Variants in NBEA observed in about 807,000 individuals in gnomAD.
NBEA encodes the protein neurobeachin, also known as lysosomal-trafficking regulator 2.
NBEA carries 44 observed loss-of-function variants against 343.4 expected under a neutral mutation model. The observed-to-expected ratio is 0.13, with a 90% CI of 0.10 to 0.16. The LOEUF is 0.16. Ranked by LOEUF, NBEA falls within the 10% of genes least tolerant of loss-of-function variation. The pLI is 1.00. For missense variants in NBEA, 2,555 were observed against 3,631.3 expected (o/e 0.70, Z 7.62); for synonymous variants, 1,175 against 1,238.7 (o/e 0.95, Z 1.08).
At chr13:35,423,015 T>A (rs1248426634) in intron 38 of NBEA, among the ~76,000 whole-genome samples, 3 of 152,180 alleles carry the variant, frequency 2.0e-5, no homozygotes, top group Non-Finnish European at 4.4e-5. Context: ...TTCTTGTAAA[T>A]TTGTTTAAGT....
chr13:35,009,052 C>A (rs991016528), intron 1 of NBEA, among the ~76,000 whole-genome samples: 14 of 152,166 alleles, frequency 9.2e-5, no homozygotes, highest in African/African-American at 3.4e-4. Context: ...CTTGGTAGCT[C>A]TCTGATGTCT....
At chr13:35,295,526 A>C (rs1255577905) in intron 35 of NBEA, among the ~76,000 whole-genome samples, 1 of 152,188 alleles carries the variant, frequency 6.6e-6, no homozygotes, top group African/African-American at 2.4e-5. Context: ...AAAGTTTGTA[A>C]TATGTCCTAA....
intron 1 of NBEA, among the ~76,000 whole-genome samples, chr13:34,949,622 T>C (rs774106849): frequency 2.0e-5 from 3 of 152,218 alleles, no homozygotes; most frequent in Non-Finnish European, 2.9e-5. Context: ...ACCAATGATA[T>C]ATGGTTTATG....
rs1188006894 is a variant in NBEA, at chr13:35,593,386, G to A, written c.7235G>A (p.Arg2412Gln). The A allele has an allele frequency of 6.2e-7, 1 of 1,612,222 alleles. No homozygotes were observed. The highest frequency in any genetic ancestry group is 8.5e-7 in the Non-Finnish European group (1 of 1,178,556). The change falls in exon 47 of 59, where the codon CGA becomes CAA. Residue 2412 changes from arginine to glutamine, a missense_variant. Arg to Gln is a conservative substitution (Grantham distance 43, BLOSUM62 1). Coordinates refer to ENST00000379939, the MANE Select transcript of NBEA (RefSeq NM_001385012.1). ...ANDGKFDHPD[R>Q]TFSSVARSWR... The stretch of plus-strand genomic sequence containing the variant: ...GATGGAAAATTTGATCATCCAGATC[G>A]AACCTTCTCATCCGTTGCAAGGTCT...
chr13:35,560,055 A>G (rs1055384128), intron 44 of NBEA, among the ~76,000 whole-genome samples: 4 of 152,190 alleles, frequency 2.6e-5, no homozygotes, highest in African/African-American at 9.7e-5. Flanking sequence ...AGGACTTTAT[A>G]TATATTTGCT....
chr13:35,162,941 C>CAT (rs1411339382), intron 23 of NBEA, among the ~76,000 whole-genome samples: 6 of 152,136 alleles, frequency 3.9e-5, no homozygotes, highest in African/African-American at 1.4e-4. Flanking sequence ...TTAGACTACT[C>CAT]ATATACTTTC....
intron 40 of NBEA, among the ~76,000 whole-genome samples, chr13:35,471,942 GC>G (rs2075668029): frequency 6.6e-6 from 1 of 152,086 alleles, no homozygotes; most frequent in Non-Finnish European, 1.5e-5. Context: ...TTAGATCCTT[GC>G]CCCCTTCTCG....
chr13:35,131,027 G>A (rs559777882), intron 17 of NBEA, among the ~76,000 whole-genome samples: 1 of 151,782 alleles, frequency 6.6e-6, no homozygotes, highest in South Asian at 2.1e-4. Context: ...AAGCAGAAAG[G>A]TACTTAGGTT....
chr13:35,048,785 G>A, intron 5 of NBEA, 101 bp downstream of exon 5: 2 of 645,360 alleles, frequency 3.1e-6, no homozygotes, highest in East Asian at 2.9e-5. Flanking sequence ...GTATATATGT[G>A]CGTATAATAT....
intron 36 of NBEA, among the ~76,000 whole-genome samples, chr13:35,321,983 G>T (rs2152841110): frequency 6.6e-6 from 1 of 152,302 alleles, no homozygotes; most frequent in Admixed American, 6.5e-5. Flanking sequence ...ACTTCAGACT[G>T]CTGTGCTGGC....
intron 45 of NBEA, among the ~76,000 whole-genome samples, chr13:35,575,180 T>C (rs1044832293): frequency 6.6e-6 from 1 of 152,216 alleles, no homozygotes; most frequent in African/African-American, 2.4e-5. Context: ...AACACTTCTC[T>C]TTATTATCGT....
chr13:35,371,933 G>T (rs143738998), intron 38 of NBEA, among the ~76,000 whole-genome samples: 9 of 152,274 alleles, frequency 5.9e-5, no homozygotes, highest in African/African-American at 2.2e-4. Context: ...GTTTGTGGAG[G>T]CTGTAGTAAA....
intron 28 of NBEA, 39 bp downstream of exon 28, chr13:35,177,142 C>T (rs1183773556): frequency 7.1e-7 from 1 of 1,413,510 alleles, no homozygotes; most frequent in Non-Finnish European, 9.8e-7. Flanking sequence ...AATAAACCTT[C>T]TACTGTCATT....
At chr13:35,530,810 T>A (rs9574096) in intron 41 of NBEA, among the ~76,000 whole-genome samples, 68,516 of 151,986 alleles carry the variant, frequency 0.45, 16,903 homozygotes, top group East Asian at 0.75. Context: ...AAGAGTTTTT[T>A]TAGTGCCAGA....
intron 31 of NBEA, among the ~76,000 whole-genome samples, chr13:35,200,104 G>C (rs777042917): frequency 1.4e-4 from 21 of 151,706 alleles, no homozygotes; most frequent in Non-Finnish European, 2.8e-4. Context: ...TATTTATGAT[G>C]GTTTTATTTT....
intron 34 of NBEA, among the ~76,000 whole-genome samples, chr13:35,285,801 T>C (rs1479132363): frequency 6.6e-6 from 1 of 152,178 alleles, no homozygotes; most frequent in African/African-American, 2.4e-5. Context: ...AATCCTGTAG[T>C]GGCTCCCTGG....
At chr13:35,368,308 A>G (rs2041242234) in intron 38 of NBEA, among the ~76,000 whole-genome samples, 1 of 151,524 alleles carries the variant, frequency 6.6e-6, no homozygotes. Flanking sequence ...CCCAAATTTG[A>G]TCAATAAAAT....
intron 34 of NBEA, among the ~76,000 whole-genome samples, chr13:35,268,301 C>G (rs1215611647): frequency 6.6e-6 from 1 of 151,846 alleles, no homozygotes; most frequent in Non-Finnish European, 1.5e-5. Context: ...ATAGAGTAGT[C>G]AAAAATCACA....
chr13:35,109,177 C>T, intron 11 of NBEA, 113 bp from the exon 12 acceptor site: 1 of 887,000 alleles, frequency 1.1e-6, no homozygotes, highest in Non-Finnish European at 1.6e-6. Flanking sequence ...ATGTTTATTT[C>T]ATATTTATTA....
Sources: allele counts gnomAD v4.1 joint callset (sites outside exome capture counted in the v4.1 genomes callset), GRCh38; gene constraint gnomAD v4.1.1; transcripts MANE v1.5; gene names NCBI Gene and HGNC (gene_info 2026-07-23, HGNC 2026-07-21).